The following JAG1 variants were observed in gnomAD, a reference collection of about 807,000 sequenced individuals.
JAG1 encodes protein jagged-1.
JAG1 carries 23 observed loss-of-function variants against 148.7 expected under a neutral mutation model. That is an observed-to-expected ratio of 0.15 (90% confidence interval 0.11 to 0.22). The LOEUF is 0.22. JAG1 is among the 10% of genes least tolerant of loss of function. The pLI is 1.00. For synonymous variants in JAG1, 572 were observed against 598.3 expected (o/e 0.96, Z 0.64); for missense variants, 1,054 against 1,611.2 (o/e 0.65, Z 5.92).
At chr20:10,648,755 G>A (rs1568796364) in intron 11 of JAG1, 33 bp from the exon 12 acceptor site, 6 of 1,601,504 alleles carry the variant, frequency 3.7e-6, no homozygotes, top group Non-Finnish European at 5.1e-6. Context: ...AGAGACACAT[G>A]CTTTTTTTCT....
chr20:10,660,707 T>C (rs2067410780), intron 3 of JAG1, among the ~76,000 whole-genome samples: 1 of 151,710 alleles, frequency 6.6e-6, no homozygotes, highest in Admixed American at 6.6e-5. Context: ...AGGGAGGGGG[T>C]CGAGCATGTC....
At chr20:10,657,519 C>T (rs973860326) in intron 4 of JAG1, among the ~76,000 whole-genome samples, 6 of 152,068 alleles carry the variant, frequency 3.9e-5, no homozygotes, top group African/African-American at 1.2e-4. Flanking sequence ...TAGTACTACC[C>T]GGGAGAGCTG....
At position 10,663,966 on chromosome 20, in the gene JAG1, C is replaced by T. The variant is rs6040067; in HGVS notation, c.436G>A (p.Val146Ile). Residue 146 changes from valine (V) to isoleucine (I), a missense_variant, in exon 3 of 26, where the codon GTT becomes ATT. Val to Ile is a conservative substitution (Grantham distance 29). Around this residue, in one of 6 missense-constraint regions of JAG1, gnomAD observed 151 missense variants for 211.1 expected, o/e 0.72. Coordinates refer to ENST00000254958, the MANE Select transcript of JAG1 (RefSeq NM_000214.3). ...VEAWDSSNDT[V>I]QPDSIIEKAS... ...AGTCCACAGAAGCGATACTTACGAA[C>T]GGTGTCATTACTGGAATCCCACGCC... is the stretch of plus-strand genomic sequence containing the variant. The T allele has an allele frequency of 2.2e-3, 3,574 of 1,612,988 alleles. 60 individuals carry two copies. The African/African-American group carries it at 0.041, about 18-fold the overall frequency.
In JAG1 at chr20:10,638,646, A is replaced by AC. The variant is rs1386734273; in HGVS notation, c.*851_*852insG. The AC allele has an allele frequency of 6.6e-6, 1 of 152,544 alleles. No individual in the cohort carries two copies. The highest frequency in any genetic ancestry group is 1.5e-5 in the Non-Finnish European group (1 of 68,010). The allele number at this position is 152,544 out of a possible 1,614,324, so 9.4% of individuals were successfully genotyped here. On this transcript the variant is annotated 3_prime_UTR_variant, in exon 26 of 26. Coordinates refer to ENST00000254958, the MANE Select transcript of JAG1 (RefSeq NM_000214.3). The stretch of plus-strand genomic sequence containing the variant: ...TTTAAACATCTGACGTCGTACAAAA[A>AC]AATTCCATCAGTATTCTGGGCACAG...
intron 2 of JAG1, among the ~76,000 whole-genome samples, chr20:10,672,389 GGA>G (rs2067502690): frequency 6.6e-6 from 1 of 152,204 alleles, no homozygotes; most frequent in African/African-American, 2.4e-5. Context: ...CTTGGGGCCG[GGA>G]GAGTTACTCT....
At chr20:10,649,415 AAGGTTTTCCTTCTACTGCTCAAGTCCT>A in intron 10 of JAG1, 80 bp downstream of exon 10, 1 of 757,414 alleles carries the variant, frequency 1.3e-6, no homozygotes, top group Non-Finnish European at 2.4e-6. Context: ...TTCCCACTCT[AAGGTTTTCCTTCTACTGCTCAAGTCCT>A]AGGACTGGAG....
chr20:10,658,046 C>T (rs1156923993), intron 4 of JAG1, among the ~76,000 whole-genome samples: 1 of 152,110 alleles, frequency 6.6e-6, no homozygotes, highest in African/African-American at 2.4e-5. Context: ...TGAGCAAGAA[C>T]ATGGTCTCAA....
intron 2 of JAG1, among the ~76,000 whole-genome samples, chr20:10,664,373 A>AACACAC (rs59417356): frequency 0.12 from 16,914 of 144,516 alleles, 1,160 homozygotes; most frequent in Middle Eastern, 0.22. Flanking sequence ...TGCATGAGGA[A>AACACAC]ACACACACAC....
chr20:10,647,818 C>G (rs148102695), intron 13 of JAG1, 142 bp downstream of exon 13: 2 of 925,542 alleles, frequency 2.2e-6, no homozygotes, highest in South Asian at 1.4e-5. Context: ...TGTTGCGGCC[C>G]GCTACACAGG....
chr20:10,647,353 TC>T, intron 13 of JAG1: 1 of 554,472 alleles, frequency 1.8e-6, no homozygotes, highest in Admixed American at 3.0e-5. Flanking sequence ...TGCTTGTGGA[TC>T]CCCTTCATCC....
At chr20:10,669,031 A>AG (rs2067476642) in intron 2 of JAG1, among the ~76,000 whole-genome samples, 5 of 40,984 alleles carry the variant, frequency 1.2e-4, no homozygotes, top group African/African-American at 6.4e-4. Context: ...CTGCAAGAGA[A>AG]AAAAAAATTA....
rs750855317 is a variant in JAG1 at position 10,646,989 on chromosome 20, T to C, written c.1835A>G (p.Lys612Arg). The change falls in exon 14 of 26, where the codon AAA (lysine) becomes AGA (arginine). Residue 612 changes from lysine to arginine, a missense_variant. Around this residue, in one of 6 missense-constraint regions of JAG1, gnomAD observed 245 missense variants for 373.1 expected, o/e 0.66. Coordinates refer to ENST00000254958, the MANE Select transcript of JAG1 (RefSeq NM_000214.3). The stretch of plus-strand genomic sequence containing the variant: ...GCCTTTGTTACAGTCACAGGTGAAT[T>C]TGCCTCCCGACTGACTCTTGCACTT... ...HGKCKSQSGG[K>R]FTCDCNKGFT... 9 of 1,614,166 alleles carry C rather than the reference T, an allele frequency of 5.6e-6. No homozygotes were observed. The East Asian group carries it at 6.7e-5, about 12-fold the overall frequency.
chr20:10,651,665 G>A lies in JAG1; in HGVS notation c.1036C>T (p.His346Tyr), dbSNP rs2067347304. The A allele has an allele frequency of 6.2e-7, 1 of 1,613,942 alleles. No homozygotes were observed. The change falls in exon 8 of 26, where the codon CAC becomes TAC. Residue 346 changes from histidine (H) to tyrosine (Y), a missense_variant. His to Tyr is a moderately conservative substitution (Grantham distance 83). Coordinates refer to ENST00000254958, the MANE Select transcript of JAG1 (RefSeq NM_000214.3). ...GTCTCCTTACAGCTGCCTCTGTTGT[G>A]ACAGGGATCAGAGAGGCAGGCGTGC... Reference protein sequence around the residue: ...AEHACLSDPCHNRGSCKETSL... With the variant: ...AEHACLSDPCYNRGSCKETSL...
chr20:10,659,559 CTTTTTTTTTTTTT>C (rs35826283), intron 3 of JAG1, among the ~76,000 whole-genome samples: 12 of 105,156 alleles, frequency 1.1e-4, no homozygotes, highest in Middle Eastern at 6.2e-3. Context: ...GATTAAGTTA[CTTTTTTTTTTTTT>C]TTTTTTTTTT....
At chr20:10,640,190 C>T (rs191765744) in intron 25 of JAG1, among the ~76,000 whole-genome samples, 22 of 152,310 alleles carry the variant, frequency 1.4e-4, no homozygotes, top group Middle Eastern at 3.4e-3. Flanking sequence ...CTGGGTGGAG[C>T]GGCAGCTCCT....
rs1017042723 is a variant in JAG1 at position 10,650,102 on chromosome 20, G to T, written c.1234+145C>A. On this transcript the variant is annotated intron_variant, in intron 9 of 25. Coordinates refer to ENST00000254958, the MANE Select transcript of JAG1 (RefSeq NM_000214.3). ...TTTGCATTCAAGTTATTTCTCCCAG[G>T]CCTGCTAGACTCTTGATAATAAATT... is the stretch of plus-strand genomic sequence containing the variant. 3 of 701,670 alleles carry T rather than the reference G, an allele frequency of 4.3e-6. No homozygotes were observed. In the Admixed American group the frequency reaches 6.0e-5, roughly 14 times the overall value. 43.5% of individuals were successfully genotyped at this position (701,670 alleles called of 1,614,324 possible).
At chr20:10,651,757 C>A in intron 7 of JAG1, 63 bp from the exon 8 acceptor site, 5 of 1,031,160 alleles carry the variant, frequency 4.8e-6, no homozygotes. Flanking sequence ...CCCACACCCC[C>A]CTCCAACCGA....
intron 10 of JAG1, 113 bp downstream of exon 10, chr20:10,649,409 C>A: frequency 1.3e-6 from 1 of 743,482 alleles, no homozygotes. Context: ...AAACCATTCC[C>A]ACTCTAAGGT....
At position 10,639,385 on chromosome 20, in the gene JAG1, A is replaced by C; in HGVS notation, c.*113T>G. ...GTGTAAGCCAGCTTGTCAAAACTTA[A>C]ATTAACACAGGGATTCTAAGTCAGC... On this transcript the variant is annotated 3_prime_UTR_variant, in exon 26 of 26. Coordinates refer to ENST00000254958, the MANE Select transcript of JAG1 (RefSeq NM_000214.3). The C allele has an allele frequency of 9.7e-7, 1 of 1,027,216 alleles. No individual in the cohort carries two copies. Among genetic ancestry groups the C allele is most frequent in the Non-Finnish European group, 1.5e-6 (1 of 646,880 alleles). 63.6% of individuals were successfully genotyped at this position (1,027,216 alleles called of 1,614,324 possible).
Sources: gnomAD v4.1 joint callset for allele counts (sites outside exome capture counted in the v4.1 genomes callset) on GRCh38, gnomAD v4.1.1 for gene constraint, gnomAD v4.1.1 regional missense constraint, MANE v1.5 for transcripts, NCBI Gene and HGNC (gene_info 2026-07-23, HGNC 2026-07-21) for gene names.